CDH12: variants seen among roughly 807,000 people sequenced by gnomAD.
CDH12 encodes the protein cadherin 12.
In CDH12, 41 loss-of-function variants were observed where a neutral mutation model predicts 74.1. That is an observed-to-expected ratio of 0.55 (90% confidence interval 0.43 to 0.72). CDH12 has a LOEUF of 0.72. Among genes scored for constraint, CDH12 ranks in the 30% least tolerant of loss-of-function variants. The pLI is 0.00. For missense variants in CDH12, 945 were observed against 977.2 expected, an observed-to-expected ratio of 0.97 and a Z score of 0.44; for synonymous variants, 399 against 355.0, an observed-to-expected ratio of 1.12 and a Z score of -1.39.
intron 2 of CDH12, among the ~76,000 whole-genome samples, chr5:22,461,793 T>TG (rs1021502861): frequency 1.8e-5 from 2 of 111,978 alleles, no homozygotes; most frequent in Non-Finnish European, 3.8e-5. Flanking sequence ...ATAATTTTCA[T>TG]GTTTTTTTTT....
chr5:22,188,319 A>C (rs1420606865), intron 4 of CDH12, among the ~76,000 whole-genome samples: 1 of 151,654 alleles, frequency 6.6e-6, no homozygotes, highest in East Asian at 1.9e-4. Flanking sequence ...GGCCTTCACC[A>C]TGTTGTGACA....
intron 5 of CDH12, among the ~76,000 whole-genome samples, chr5:22,074,112 T>G (rs1742137939): frequency 1.3e-5 from 2 of 152,046 alleles, no homozygotes; most frequent in African/African-American, 4.8e-5. Flanking sequence ...CTATGCAATG[T>G]GAAGACGATG....
intron 5 of CDH12, among the ~76,000 whole-genome samples, chr5:22,037,490 A>G (rs1460990859): frequency 6.6e-6 from 1 of 152,152 alleles, no homozygotes; most frequent in Non-Finnish European, 1.5e-5. Context: ...AAATCCCTCC[A>G]AGAGGCCCCA....
intron 9 of CDH12, among the ~76,000 whole-genome samples, chr5:21,814,746 T>G (rs1353949201): frequency 6.6e-6 from 1 of 150,692 alleles, no homozygotes; most frequent in Non-Finnish European, 1.5e-5. Flanking sequence ...TAATTTTATA[T>G]TTAAATATTA....
At chr5:22,352,694 G>A (rs969366846) in intron 3 of CDH12, among the ~76,000 whole-genome samples, 2 of 152,152 alleles carry the variant, frequency 1.3e-5, no homozygotes, top group African/African-American at 4.8e-5. Flanking sequence ...TTCTCTGTTC[G>A]AGATTAATAG....
At chr5:22,437,939 T>C (rs1460530305) in intron 2 of CDH12, among the ~76,000 whole-genome samples, 1 of 152,096 alleles carries the variant, frequency 6.6e-6, no homozygotes, top group Non-Finnish European at 1.5e-5. Flanking sequence ...AATCATCTTT[T>C]ATTTTCATAA....
chr5:22,458,055 T>G (rs774459446), intron 2 of CDH12, among the ~76,000 whole-genome samples: 24 of 151,996 alleles, frequency 1.6e-4, no homozygotes, highest in Non-Finnish European at 3.4e-4. Flanking sequence ...AATTTTTGTA[T>G]TTTTAGTAGA....
intron 6 of CDH12, among the ~76,000 whole-genome samples, chr5:21,955,039 T>TA (rs1756033388): frequency 6.6e-6 from 1 of 152,122 alleles, no homozygotes; most frequent in Non-Finnish European, 1.5e-5. Flanking sequence ...GTGAAGTTCA[T>TA]AACCAAGAAT....
intron 3 of CDH12, among the ~76,000 whole-genome samples, chr5:22,344,219 C>A (rs1740010806): frequency 6.6e-6 from 1 of 152,076 alleles, no homozygotes; most frequent in Non-Finnish European, 1.5e-5. Context: ...TTTATAGTTA[C>A]CATATACATT....
At chr5:21,898,718 A>G (rs1464318267) in intron 6 of CDH12, among the ~76,000 whole-genome samples, 2 of 151,832 alleles carry the variant, frequency 1.3e-5, no homozygotes, top group Admixed American at 1.3e-4. Context: ...TAAGTAAATA[A>G]ATATATAAAT....
At chr5:22,833,352 G>A (rs745892022) in intron 1 of CDH12, among the ~76,000 whole-genome samples, 21 of 152,158 alleles carry the variant, frequency 1.4e-4, no homozygotes, top group Non-Finnish European at 2.2e-4. Context: ...CCACATAGTT[G>A]AGATTCAGTG....
chr5:22,378,027 A>G (rs1741608478), intron 3 of CDH12, among the ~76,000 whole-genome samples: 1 of 152,200 alleles, frequency 6.6e-6, no homozygotes, highest in Admixed American at 6.5e-5. Context: ...AGAATAACTG[A>G]TTATGAATAA....
At chr5:22,516,791 T>G (rs1483854129) in intron 1 of CDH12, among the ~76,000 whole-genome samples, 1 of 152,008 alleles carries the variant, frequency 6.6e-6, no homozygotes, top group African/African-American at 2.4e-5. Context: ...CGAGACCTTG[T>G]TTCAAAATAA....
intron 4 of CDH12, among the ~76,000 whole-genome samples, chr5:22,149,997 T>C (rs1460039718): frequency 6.6e-6 from 1 of 151,966 alleles, no homozygotes; most frequent in African/African-American, 2.4e-5. Flanking sequence ...CAAAAAATAA[T>C]AATAAATAAT....
intron 2 of CDH12, among the ~76,000 whole-genome samples, chr5:22,423,394 C>T (rs941207811): frequency 1.3e-5 from 2 of 152,058 alleles, no homozygotes; most frequent in African/African-American, 4.8e-5. Context: ...AACTGGGATC[C>T]AGTCTAGAAA....
At chr5:22,067,553 C>G (rs1426310599) in intron 5 of CDH12, among the ~76,000 whole-genome samples, 1 of 152,100 alleles carries the variant, frequency 6.6e-6, no homozygotes, top group Non-Finnish European at 1.5e-5. Flanking sequence ...CAGTCTGCTA[C>G]GTAGACTGTT....
At chr5:22,574,804 C>T (rs549136055) in intron 1 of CDH12, among the ~76,000 whole-genome samples, 2 of 152,028 alleles carry the variant, frequency 1.3e-5, no homozygotes, top group Non-Finnish European at 2.9e-5. Flanking sequence ...TACCTGTTAG[C>T]ATTTGATAGG....
At chr5:22,207,197 C>T (rs1319605604) in intron 4 of CDH12, among the ~76,000 whole-genome samples, 8 of 125,712 alleles carry the variant, frequency 6.4e-5, no homozygotes, top group South Asian at 2.4e-4. Context: ...CCAGCCTGGG[C>T]GACAGAGCAA....
rs773979322 is a variant in CDH12 at position 21,975,095 on chromosome 5, A to G, written c.522T>C (p.Pro174=). ...AATTTTGATTTGCCTACTCACCCAC[A>G]GGAGACATTTCTGGAACAGTAGCAA... ...PYVATVPEMS[P]VGAYVLQVKA... is the part of the protein sequence containing the mutation. Residue 174 remains proline (P), a synonymous_variant, in exon 6 of 15, where the codon CCT becomes CCC. Transcript: ENST00000382254. The G allele has an allele frequency of 1.9e-6, 3 of 1,592,904 alleles. No individual in the cohort carries two copies. The highest frequency in any genetic ancestry group is 1.7e-6 in the Non-Finnish European group (2 of 1,177,208).
Sources: gnomAD v4.1 joint callset for allele counts (sites outside exome capture counted in the v4.1 genomes callset) on GRCh38, gnomAD v4.1.1 for gene constraint, MANE v1.5 for transcripts, NCBI Gene and HGNC (gene_info 2026-07-23, HGNC 2026-07-21) for gene names.